Variants in ADAMTSL1 observed in about 807,000 individuals in gnomAD.
ADAMTSL1 encodes the protein ADAMTS-like protein 1.
Under a neutral mutation model 201.8 loss-of-function variants are expected in ADAMTSL1, and 126 were observed. The ratio of observed to expected loss-of-function variants is 0.62; its 90% CI spans 0.54 to 0.72. ADAMTSL1 has a LOEUF of 0.72. Ranked by LOEUF, ADAMTSL1 falls within the 30% of genes least tolerant of loss-of-function variation. ADAMTSL1 has a pLI of 0.00. For missense variants in ADAMTSL1, 2,679 were observed against 2,277.8 expected (o/e 1.18, Z -3.59); for synonymous variants, 1,121 against 903.4 (o/e 1.24, Z -4.32).
At chr9:18,079,816 T>G in intron 1 of ADAMTSL1, among the ~76,000 whole-genome samples, 1 of 152,174 alleles carries the variant, frequency 6.6e-6, no homozygotes, top group East Asian at 1.9e-4. Flanking sequence ...TGGCAAGTCT[T>G]ACAGGCACAT....
intron 1 of ADAMTSL1, among the ~76,000 whole-genome samples, chr9:17,956,064 T>A (rs1827917419): frequency 6.6e-6 from 1 of 152,166 alleles, no homozygotes; most frequent in Non-Finnish European, 1.5e-5. Flanking sequence ...TGTGGAAAAA[T>A]CTGAATAGTT....
chr9:18,589,615 T>A (rs1330352504), intron 4 of ADAMTSL1, among the ~76,000 whole-genome samples: 1 of 152,166 alleles, frequency 6.6e-6, no homozygotes, highest in African/African-American at 2.4e-5. Context: ...TACTGTTTAA[T>A]AAAAGTGATG....
intron 2 of ADAMTSL1, among the ~76,000 whole-genome samples, chr9:18,315,726 G>C (rs1834362584): frequency 6.6e-6 from 1 of 152,172 alleles, no homozygotes; most frequent in Non-Finnish European, 1.5e-5. Context: ...ACACCTCCCG[G>C]CAAGCAGAGG....
intron 2 of ADAMTSL1, among the ~76,000 whole-genome samples, chr9:18,518,293 C>T (rs1357003298): frequency 3.3e-5 from 5 of 152,090 alleles, no homozygotes; most frequent in Admixed American, 3.3e-4. Context: ...CCACCCCGCC[C>T]CCCAACCCAG....
At chr9:18,417,902 C>G (rs1246027649) in intron 2 of ADAMTSL1, among the ~76,000 whole-genome samples, 1 of 152,052 alleles carries the variant, frequency 6.6e-6, no homozygotes, top group Non-Finnish European at 1.5e-5. Context: ...GATACAAAAA[C>G]CAGACAAAGA....
At chr9:18,185,564 G>A (rs1828696502) in intron 2 of ADAMTSL1, among the ~76,000 whole-genome samples, 2 of 152,070 alleles carry the variant, frequency 1.3e-5, no homozygotes, top group African/African-American at 4.8e-5. Flanking sequence ...TAACACAATT[G>A]GTTTCTTAAA....
chr9:18,027,795 T>A (rs936364391), intron 1 of ADAMTSL1, among the ~76,000 whole-genome samples: 2 of 152,074 alleles, frequency 1.3e-5, no homozygotes, highest in African/African-American at 4.8e-5. Context: ...GCCTCAATGA[T>A]CTAATGCTGT....
intron 23 of ADAMTSL1, among the ~76,000 whole-genome samples, chr9:18,871,193 C>G (rs74970545): frequency 0.034 from 5,145 of 152,202 alleles, 125 homozygotes; most frequent in Non-Finnish European, 0.054. Context: ...TCTATATTAC[C>G]AGAGGTGGGG....
intron 23 of ADAMTSL1, among the ~76,000 whole-genome samples, chr9:18,845,113 A>G (rs1341535763): frequency 6.6e-6 from 1 of 152,142 alleles, no homozygotes; most frequent in Non-Finnish European, 1.5e-5. Context: ...AAATGCAGAA[A>G]TCACCCGTCT....
At chr9:18,408,151 C>T (rs1488591446) in intron 2 of ADAMTSL1, among the ~76,000 whole-genome samples, 1 of 152,060 alleles carries the variant, frequency 6.6e-6, no homozygotes, top group Admixed American at 6.6e-5. Flanking sequence ...CTGAGAGGAA[C>T]AGCTATCCAT....
At chr9:18,783,053 C>T (rs756538057) in intron 19 of ADAMTSL1, among the ~76,000 whole-genome samples, 4 of 152,152 alleles carry the variant, frequency 2.6e-5, no homozygotes, top group Non-Finnish European at 5.9e-5. Context: ...TTCACATGGG[C>T]TAACTTGTGG....
chr9:18,665,578 C>A (rs1829379973), intron 9 of ADAMTSL1, among the ~76,000 whole-genome samples: 1 of 152,104 alleles, frequency 6.6e-6, no homozygotes, highest in South Asian at 2.1e-4. Flanking sequence ...AACAGGCAAC[C>A]AGTGGCATGG....
At chr9:18,618,090 C>A (rs145235518) in intron 4 of ADAMTSL1, among the ~76,000 whole-genome samples, 6 of 152,260 alleles carry the variant, frequency 3.9e-5, no homozygotes, top group African/African-American at 1.4e-4. Flanking sequence ...TAATTAACAT[C>A]GGTGTACTTG....
At chr9:18,738,074 G>A (rs1818620654) in intron 15 of ADAMTSL1, among the ~76,000 whole-genome samples, 2 of 152,140 alleles carry the variant, frequency 1.3e-5, no homozygotes, top group Non-Finnish European at 2.9e-5. Flanking sequence ...TGAGTTCCTG[G>A]TTAATTAAGA....
chr9:18,769,694 T>A (rs1212523584), intron 16 of ADAMTSL1, among the ~76,000 whole-genome samples: 1 of 152,154 alleles, frequency 6.6e-6, no homozygotes, highest in Non-Finnish European at 1.5e-5. Flanking sequence ...TGCCACACCA[T>A]CTTTTTGGGC....
At chr9:18,788,322 AT>A (rs1050002423) in intron 19 of ADAMTSL1, among the ~76,000 whole-genome samples, 3 of 151,984 alleles carry the variant, frequency 2.0e-5, no homozygotes, top group Non-Finnish European at 4.4e-5. Context: ...AATCCAGAAT[AT>A]TTTTTAGTGA....
intron 1 of ADAMTSL1, among the ~76,000 whole-genome samples, chr9:18,006,015 C>G (rs1458693514): frequency 6.6e-6 from 1 of 151,516 alleles, no homozygotes; most frequent in East Asian, 2.0e-4. Flanking sequence ...GTAAACTACA[C>G]AATGGTAAAG....
intron 23 of ADAMTSL1, among the ~76,000 whole-genome samples, chr9:18,848,372 GGC>G (rs1826267345): frequency 6.6e-6 from 1 of 152,188 alleles, no homozygotes; most frequent in South Asian, 2.1e-4. Context: ...ATGGAAATAT[GGC>G]GTGCTTAATC....
chr9:17,906,731 C>T (rs1218463501), exon 1 of ADAMTSL1: 1 of 153,016 alleles, frequency 6.5e-6, no homozygotes, highest in African/African-American at 2.4e-5. Context: ...CCGAGCCCGC[C>T]TGCCGGCCGC....
Sources: gnomAD v4.1 joint callset for allele counts (sites outside exome capture counted in the v4.1 genomes callset) on GRCh38, gnomAD v4.1.1 for gene constraint, MANE v1.5 for transcripts, NCBI Gene and HGNC (gene_info 2026-07-23, HGNC 2026-07-21) for gene names.